COL21A1: variants seen among roughly 807,000 people sequenced by gnomAD.
The protein encoded by COL21A1 is collagen type XXI alpha 1 chain, also known as collagen alpha-1(XXI) chain.
COL21A1 carries 149 observed loss-of-function variants against 137.9 expected under a neutral mutation model. That is an observed-to-expected ratio of 1.08 (90% CI 0.95 to 1.24). The LOEUF (loss-of-function observed/expected upper bound fraction) is 1.24. Ranked by LOEUF, COL21A1 falls within the 50% of genes most tolerant of loss-of-function variation. The pLI, the probability that COL21A1 is intolerant of heterozygous loss-of-function variation, is 0.00. For synonymous variants in COL21A1, 456 were observed against 391.5 expected (o/e 1.16, Z -1.95); for missense variants, 1,167 against 1,158.4 (o/e 1.01, Z -0.11).
At chr6:56,204,288 G>C (rs577329648) in intron 1 of COL21A1, among the ~76,000 whole-genome samples, 1 of 152,158 alleles carries the variant, frequency 6.6e-6, no homozygotes, top group African/African-American at 2.4e-5. Context: ...CTTGGTATGG[G>C]GAGGGGCATG....
At chr6:56,351,758 G>C (rs1581764418) in intron 1 of COL21A1, among the ~76,000 whole-genome samples, 2 of 152,206 alleles carry the variant, frequency 1.3e-5, no homozygotes, top group Admixed American at 1.3e-4. Context: ...AGGTGAAATA[G>C]ACCTTGCAGC....
chr6:56,067,353 G>A (rs1424108872), intron 22 of COL21A1, 23 bp from the exon 23 acceptor site: 11 of 1,597,928 alleles, frequency 6.9e-6, no homozygotes, highest in East Asian at 2.2e-5. Context: ...AGTTTGATCT[G>A]TATCATAATC....
At chr6:56,379,766 T>C (rs2094005767) in intron 1 of COL21A1, among the ~76,000 whole-genome samples, 1 of 152,152 alleles carries the variant, frequency 6.6e-6, no homozygotes. Flanking sequence ...AGTATGAGAG[T>C]GCCTATTTCC....
chr6:56,312,403 G>A (rs536386121), intron 1 of COL21A1, among the ~76,000 whole-genome samples: 2 of 152,298 alleles, frequency 1.3e-5, no homozygotes, highest in East Asian at 1.9e-4. Flanking sequence ...AAAGAATTGA[G>A]ACTGACTCCC....
chr6:56,097,946 T>A (rs1317332571), intron 17 of COL21A1, among the ~76,000 whole-genome samples: 2,876 of 71,034 alleles, frequency 0.04, 702 homozygotes, highest in East Asian at 0.17. Context: ...AAAATATATA[T>A]AAATATAAAA....
At chr6:56,185,907 A>C (rs1778260700) in intron 1 of COL21A1, among the ~76,000 whole-genome samples, 3 of 152,178 alleles carry the variant, frequency 2.0e-5, no homozygotes, top group Admixed American at 2.0e-4. Context: ...AAATAAAATA[A>C]AACTATTTGT....
At chr6:56,203,057 C>T (rs758975057) in intron 1 of COL21A1, among the ~76,000 whole-genome samples, 2 of 152,090 alleles carry the variant, frequency 1.3e-5, no homozygotes, top group Non-Finnish European at 2.9e-5. Flanking sequence ...TTTTTCTTGA[C>T]TCAGCTTTAA....
At position 56,107,814 on chromosome 6, in the gene COL21A1, T is replaced by G. The variant is rs191686212; in HGVS notation, c.1759-6289A>C. Among the ~76,000 whole-genome samples, 555 of 152,282 alleles carry G rather than the reference T, an allele frequency of 3.6e-3. 7 individuals carry two copies. Among genetic ancestry groups the G allele is most frequent in the African/African-American group, 0.013 (528 of 41,576 alleles). On this transcript the variant is annotated intron_variant, in intron 16 of 29. Transcript: ENST00000244728. ...AAACCCAAATGTGACCGTGGAATAT[T>G]GGTAAAGGTGCTGGTGACAAACACT...
At chr6:56,256,868 G>T (rs1334454290) in intron 1 of COL21A1, among the ~76,000 whole-genome samples, 2 of 151,674 alleles carry the variant, frequency 1.3e-5, no homozygotes, top group African/African-American at 4.8e-5. Context: ...GGAGAAATGA[G>T]CATGGGCAGG....
intron 1 of COL21A1, among the ~76,000 whole-genome samples, chr6:56,204,928 G>GA (rs1779664138): frequency 6.6e-6 from 1 of 152,106 alleles, no homozygotes; most frequent in African/African-American, 2.4e-5. Context: ...AAATGGAAAG[G>GA]AATAGTATCA....
intron 5 of COL21A1, among the ~76,000 whole-genome samples, chr6:56,169,576 T>C (rs1476140163): frequency 6.6e-6 from 1 of 151,950 alleles, no homozygotes; most frequent in Non-Finnish European, 1.5e-5. Flanking sequence ...CACTTTGCAT[T>C]CTCTAAATAA....
At chr6:56,194,583 G>C (rs1025978332) in intron 1 of COL21A1, among the ~76,000 whole-genome samples, 1 of 152,122 alleles carries the variant, frequency 6.6e-6, no homozygotes, top group Non-Finnish European at 1.5e-5. Flanking sequence ...AAGAAAAAAA[G>C]TCCCTATTCC....
chr6:56,114,447 G>A (rs1404010168), intron 16 of COL21A1, among the ~76,000 whole-genome samples: 3 of 152,064 alleles, frequency 2.0e-5, no homozygotes, highest in Admixed American at 1.3e-4. Context: ...TTTCTCTTGT[G>A]GGCATTTAGA....
intron 1 of COL21A1, among the ~76,000 whole-genome samples, chr6:56,245,017 C>A (rs535037098): frequency 1.3e-5 from 2 of 152,118 alleles, no homozygotes; most frequent in Non-Finnish European, 2.9e-5. Context: ...ACTCTTTTTG[C>A]CAGTTTAGGC....
rs1347298817 is a variant in COL21A1 at position 56,097,855 on chromosome 6, A to G, written c.1812+3617T>C. ...TATATATAAATATATAAATATATAT[A>G]AATATATAAAAATATCTATAAATAT... On this transcript the variant is annotated intron_variant, in intron 17 of 29. Transcript: ENST00000244728. 5.0e-5 allele frequency among the ~76,000 whole-genome samples: 5 copies of G among 99,456 alleles called. 1 individual carries two copies. In the East Asian group the frequency reaches 1.3e-3, roughly 25 times the overall value. 65.2% of individuals were successfully genotyped at this position (99,456 alleles called of 152,430 possible).
At chr6:56,176,474 C>T (rs1777479606) in intron 3 of COL21A1, among the ~76,000 whole-genome samples, 1 of 151,204 alleles carries the variant, frequency 6.6e-6, no homozygotes, top group African/African-American at 2.4e-5. Context: ...AAACATTTCT[C>T]CAAAAATGAC....
In COL21A1 at chr6:56,115,004, TGA is replaced by T. The variant is rs201222792; in HGVS notation, c.1758+9056_1758+9057del. Among the ~76,000 whole-genome samples the T allele has an allele frequency of 7.8e-3, 1,183 of 152,102 alleles. 53 individuals are homozygous for T. The highest frequency in any genetic ancestry group is 0.068 in the Admixed American group (1,044 of 15,260). ...AATACTATGCAGCCATAAAAAATGA[TGA>T]GTTCATGTCATGGAAATCATCATTC... is the stretch of plus-strand genomic sequence containing the variant. On this transcript the variant is annotated intron_variant, in intron 16 of 29. Coordinates refer to ENST00000244728, the MANE Select transcript of COL21A1 (RefSeq NM_030820.4).
intron 1 of COL21A1, among the ~76,000 whole-genome samples, chr6:56,252,833 C>T (rs1000079701): frequency 2.0e-5 from 3 of 152,110 alleles, no homozygotes; most frequent in Admixed American, 1.3e-4. Context: ...CAAAATGAAA[C>T]AAAACAGCCA....
chr6:56,325,216 G>C (rs918336215), intron 1 of COL21A1, among the ~76,000 whole-genome samples: 2 of 94,184 alleles, frequency 2.1e-5, no homozygotes, highest in African/African-American at 4.1e-5. Flanking sequence ...AGGAGCCTTG[G>C]TCATGAACCT....
Sources: allele counts gnomAD v4.1 joint callset (sites outside exome capture counted in the v4.1 genomes callset), GRCh38; gene constraint gnomAD v4.1.1; transcripts MANE v1.5; gene names NCBI Gene and HGNC (gene_info 2026-07-23, HGNC 2026-07-21).